Variants in CDCP1 observed in about 807,000 individuals in gnomAD.
CDCP1 encodes CUB domain containing protein 1, also known as CUB domain-containing protein 1.
CDCP1 carries 29 observed loss-of-function variants against 60.2 expected under a neutral mutation model. That is an observed-to-expected ratio of 0.48 (90% CI 0.36 to 0.66). The LOEUF (loss-of-function observed/expected upper bound fraction) is 0.66, where lower values mean the gene tolerates loss of function less well. Ranked by LOEUF, CDCP1 falls within the 30% of genes least tolerant of loss-of-function variation. The pLI, the probability that CDCP1 is intolerant of heterozygous loss-of-function variation, is 0.00. For missense variants in CDCP1, 876 were observed against 1,074.3 expected (o/e 0.82, Z 2.58); for synonymous variants, 387 against 431.1 (o/e 0.90, Z 1.27).
intron 1 of CDCP1, among the ~76,000 whole-genome samples, chr3:45,137,843 G>A (rs1699216079): frequency 1.3e-5 from 2 of 150,586 alleles, no homozygotes; most frequent in Admixed American, 1.3e-4. Flanking sequence ...GTGAAGATAA[G>A]GACTTAGCTC....
At chr3:45,120,738 C>A (rs139163677) in intron 1 of CDCP1, among the ~76,000 whole-genome samples, 1 of 152,202 alleles carries the variant, frequency 6.6e-6, no homozygotes, top group Non-Finnish European at 1.5e-5. Flanking sequence ...GTCTTGCCTT[C>A]TTTCTTGAAC....
At chr3:45,092,043 C>T (rs1559775357) in intron 6 of CDCP1, among the ~76,000 whole-genome samples, 1 of 152,330 alleles carries the variant, frequency 6.6e-6, no homozygotes, top group Middle Eastern at 3.4e-3. Flanking sequence ...GATCTGCCTG[C>T]CTTGGCCTCC....
At chr3:45,137,347 G>A (rs1699205925) in intron 1 of CDCP1, among the ~76,000 whole-genome samples, 1 of 152,112 alleles carries the variant, frequency 6.6e-6, no homozygotes. Context: ...GATGCCAGTG[G>A]GACATACCTT....
intron 1 of CDCP1, among the ~76,000 whole-genome samples, chr3:45,122,159 T>G (rs1363938171): frequency 6.6e-6 from 1 of 151,794 alleles, no homozygotes; most frequent in African/African-American, 2.4e-5. Flanking sequence ...TTTTTTTTTT[T>G]TTGAGACGGA....
chr3:45,089,208 G>T, intron 7 of CDCP1, 67 bp from the exon 8 acceptor site: 1 of 1,320,250 alleles, frequency 7.6e-7, no homozygotes, highest in Non-Finnish European at 1.1e-6. Flanking sequence ...TGAACTTGAG[G>T]CATCTCCAAA....
intron 1 of CDCP1, among the ~76,000 whole-genome samples, chr3:45,145,949 C>T (rs113817122): frequency 6.6e-6 from 1 of 151,822 alleles, no homozygotes; most frequent in African/African-American, 2.4e-5. Context: ...GCTCCCCGAT[C>T]GGGGACACTC....
intron 4 of CDCP1, among the ~76,000 whole-genome samples, chr3:45,108,930 TGTATACATATATATATATATATA>T: frequency 1.7e-5 from 1 of 58,776 alleles, no homozygotes; most frequent in African/African-American, 5.8e-5. Flanking sequence ...TATATATGCA[TGTATACATATATATATATATATA>T]TTTTTTTTTT....
chr3:45,134,598 CTGT>C (rs34537832), intron 1 of CDCP1, among the ~76,000 whole-genome samples: 20,166 of 152,102 alleles, frequency 0.13, 1,446 homozygotes, highest in South Asian at 0.17. Flanking sequence ...TTTGTTGTTG[CTGT>C]TGTTGTGTCC....
In CDCP1 at chr3:45,091,666, T is replaced by A. The variant is rs1261558097; in HGVS notation, c.1628-128A>T. The A allele has an allele frequency of 8.5e-7, 1 of 1,173,552 alleles. No individual in the cohort carries two copies. Among genetic ancestry groups the A allele is most frequent in the Non-Finnish European group, 1.2e-6 (1 of 859,836 alleles). The allele number at this position is 1,173,552 out of a possible 1,614,324, so 72.7% of individuals were successfully genotyped here. ...TGTCTAACCGAACTTTCTGCGATGATGGAAATCTTCTAGATCTGCACCATC... is the reference window on the plus strand; with the variant it reads ...TGTCTAACCGAACTTTCTGCGATGAAGGAAATCTTCTAGATCTGCACCATC... On this transcript the variant is annotated intron_variant, in intron 6 of 8. Transcript: ENST00000296129. The surrounding 1 kb of genome is among the most constrained non-coding windows in gnomAD (Gnocchi z 4.8).
chr3:45,095,746 A>G (rs1698387390), intron 4 of CDCP1, among the ~76,000 whole-genome samples, 178 bp from the exon 5 acceptor site: 1 of 152,272 alleles, frequency 6.6e-6, no homozygotes, highest in South Asian at 2.1e-4. Flanking sequence ...GACAGTTAAA[A>G]AGAAAAATAA....
intron 1 of CDCP1, among the ~76,000 whole-genome samples, chr3:45,135,994 C>G (rs62244466): frequency 0.15 from 22,320 of 152,098 alleles, 1,791 homozygotes; most frequent in Middle Eastern, 0.27. Context: ...ATTTGTAGCC[C>G]CTGGTTTACA....
Position 45,085,788 on chromosome 3 carries a change from C to T in CDCP1, c.2361G>A (p.Lys787=), listed in dbSNP as rs1313098486. 1.9e-6 allele frequency: 3 copies of T among 1,614,050 alleles called. No homozygotes were observed. Among genetic ancestry groups the T allele is most frequent in the African/African-American group, 2.7e-5 (2 of 74,924 alleles). The stretch of plus-strand genomic sequence containing the variant: ...GAGGAGGTGGCTCCTCAGTGGCCAA[C>T]TTTGCAGTTGGGGCCCTGGAGCATA... ...PTICSRAPTA[K]LATEEPPPRS... is the part of the protein sequence containing the mutation. The change falls in exon 9 of 9, where the codon AAG becomes AAA. Residue 787 remains lysine, a synonymous_variant. Coordinates refer to ENST00000296129, the MANE Select transcript of CDCP1 (RefSeq NM_022842.5). This position sits in a 1 kb window ranked among gnomAD's most constrained non-coding sequence, Gnocchi z 4.2.
chr3:45,129,427 C>G (rs62242543), intron 1 of CDCP1, among the ~76,000 whole-genome samples: 21 of 152,274 alleles, frequency 1.4e-4, no homozygotes, highest in African/African-American at 4.1e-4. Flanking sequence ...ACGGGAATTG[C>G]AGAATTAAAT....
chr3:45,140,564 GC>G (rs1443989423), intron 1 of CDCP1, among the ~76,000 whole-genome samples: 2 of 152,196 alleles, frequency 1.3e-5, no homozygotes, highest in African/African-American at 4.8e-5. Flanking sequence ...TCCTGGGGCT[GC>G]CAGCTCAGCA....
At chr3:45,095,949 TA>T (rs1179010037) in intron 4 of CDCP1, among the ~76,000 whole-genome samples, 1 of 152,196 alleles carries the variant, frequency 6.6e-6, no homozygotes, top group Non-Finnish European at 1.5e-5. Flanking sequence ...AAAGGAGATA[TA>T]AATGACTAAA....
rs774614763 is a variant in CDCP1 at position 45,091,182 on chromosome 3, T to C, written c.1984A>G (p.Arg662Gly). ...DLLFSVTLTP[R>G]TVDLTVILIA... ...CCCTGAAGGCCCTTACCCACAGTCC[T>C]TGGGGTAAGTGTCACCGAGAAGAGC... Residue 662 changes from arginine (R) to glycine (G), a missense_variant, in exon 7 of 9, where the codon AGG (arginine) becomes GGG (glycine). Around this residue, in one of 2 missense-constraint regions of CDCP1, gnomAD observed 726 missense variants for 935.7 expected, o/e 0.78. Transcript: ENST00000296129. The surrounding 1 kb of genome is among the most constrained non-coding windows in gnomAD (Gnocchi z 4.8). 7 of 1,611,158 alleles carry C rather than the reference T, an allele frequency of 4.3e-6. No individual in the cohort carries two copies. Among genetic ancestry groups the C allele is most frequent in the Non-Finnish European group, 5.9e-6 (7 of 1,178,198 alleles).
Position 45,084,063 on chromosome 3 carries a change from A to G in CDCP1, c.*1575T>C, listed in dbSNP as rs1420558266. ...AACCTGCAGGGGCATTGATCAGTAG[A>G]AACAAACACTCAGCCTCATTGTGGG... On this transcript the variant is annotated 3_prime_UTR_variant, in exon 9 of 9. Coordinates refer to ENST00000296129, the MANE Select transcript of CDCP1 (RefSeq NM_022842.5). The G allele has an allele frequency of 1.3e-5, 2 of 152,292 alleles. No homozygotes were observed. The highest frequency in any genetic ancestry group is 6.5e-5 in the Admixed American group (1 of 15,300). 9.4% of individuals were successfully genotyped at this position (152,292 alleles called of 1,614,324 possible). A position where few individuals can be genotyped will look rare whatever the true frequency, so the allele number is the denominator to read the frequency against.
At chr3:45,099,138 T>A (rs1198346024) in intron 4 of CDCP1, among the ~76,000 whole-genome samples, 4 of 151,306 alleles carry the variant, frequency 2.6e-5, no homozygotes, top group Non-Finnish European at 4.4e-5. Flanking sequence ...TTTTTTTTTT[T>A]AATTTTTACT....
At position 45,142,561 on chromosome 3, in the gene CDCP1, GCACTAACA is replaced by G. The variant is rs1166891670; in HGVS notation, c.82+3637_82+3644del. 3.9e-5 allele frequency among the ~76,000 whole-genome samples: 6 copies of G among 152,094 alleles called. No homozygotes were observed. The East Asian group carries it at 1.2e-3, about 29-fold the overall frequency. On this transcript the variant is annotated intron_variant, in intron 1 of 8. Transcript: ENST00000296129. ...GAGCCTGGGAGAATGTGAGAAACAA[GCACTAACA>G]CACTGATGGCTGGAAAGCACACCAG...
Sources: gnomAD v4.1 joint callset for allele counts (sites outside exome capture counted in the v4.1 genomes callset) on GRCh38, gnomAD v4.1.1 for gene constraint, gnomAD v4.1.1 regional missense constraint, Gnocchi (gnomAD v3.1) non-coding constraint, MANE v1.5 for transcripts, NCBI Gene and HGNC (gene_info 2026-07-23, HGNC 2026-07-21) for gene names.